Variants in TEX14 observed in about 807,000 individuals in gnomAD.
TEX14 encodes the protein inactive serine/threonine-protein kinase TEX14.
In TEX14, 168 loss-of-function variants were observed where a neutral mutation model predicts 178.6. The observed-to-expected ratio is 0.94, with a 90% CI of 0.83 to 1.07. The LOEUF (loss-of-function observed/expected upper bound fraction) is 1.07. Ranked by LOEUF, TEX14 falls within the 50% of genes least tolerant of loss-of-function variation. TEX14 has a pLI of 0.00. For missense variants in TEX14, 1,730 were observed against 1,753.6 expected, an observed-to-expected ratio of 0.99 and a Z score of 0.24; for synonymous variants, 626 against 634.1, an observed-to-expected ratio of 0.99 and a Z score of 0.19.
chr17:58,690,403 C>G (rs1034866948), intron 1 of TEX14, among the ~76,000 whole-genome samples: 7 of 152,060 alleles, frequency 4.6e-5, no homozygotes, highest in Non-Finnish European at 1.0e-4. Context: ...TGAGATCAAG[C>G]GATGTGCCCT....
intron 12 of TEX14, 130 bp from the exon 13 acceptor site, chr17:58,602,086 T>C (rs979926697): frequency 8.6e-5 from 79 of 920,052 alleles, no homozygotes; most frequent in Non-Finnish European, 1.2e-4. Context: ...TTAGTCCTAA[T>C]TAACTAGTTT....
chr17:58,620,390 C>T (rs2045970726), intron 5 of TEX14, among the ~76,000 whole-genome samples: 1 of 152,080 alleles, frequency 6.6e-6, no homozygotes, highest in Non-Finnish European at 1.5e-5. Context: ...AGTGCAGTTG[C>T]ATGATCTTGG....
At chr17:58,673,886 G>C (rs1447671630) in intron 1 of TEX14, among the ~76,000 whole-genome samples, 1 of 152,078 alleles carries the variant, frequency 6.6e-6, no homozygotes, top group Non-Finnish European at 1.5e-5. Context: ...TCATATTATA[G>C]TTAGGACATA....
intron 1 of TEX14, among the ~76,000 whole-genome samples, chr17:58,673,065 A>C (rs951434113): frequency 1.3e-5 from 2 of 151,950 alleles, no homozygotes; most frequent in Non-Finnish European, 2.9e-5. Context: ...TTTTAAAAAA[A>C]ATTTCTTACA....
At position 58,569,301 on chromosome 17, in the gene TEX14, C is replaced by T. The variant is rs1450064049; in HGVS notation, c.3818-41G>A. 1.3e-6 allele frequency: 2 copies of T among 1,522,496 alleles called. No homozygotes were observed. Among genetic ancestry groups the T allele is most frequent in the Non-Finnish European group, 1.8e-6 (2 of 1,098,842 alleles). 94.3% of individuals were successfully genotyped at this position (1,522,496 alleles called of 1,614,324 possible). A position where few individuals can be genotyped will look rare whatever the true frequency, so the allele number is the denominator to read the frequency against. On this transcript the variant is annotated intron_variant, in intron 25 of 31. Coordinates refer to ENST00000349033, the MANE Select transcript of TEX14 (RefSeq NM_031272.5). This position sits in a 1 kb window ranked among gnomAD's most constrained non-coding sequence, Gnocchi z 4.1. ...GACAAAAGGGAAAATGTCTTAACAC[C>T]CTCCTGGACCTGAACTGAATTTTTC...
rs2045847457 is a variant in TEX14, at chr17:58,615,291, G to A, written c.822C>T (p.His274=). 6.2e-7 allele frequency: 1 copy of A among 1,613,930 alleles called. No homozygotes were observed. The highest frequency in any genetic ancestry group is 1.1e-5 in the South Asian group (1 of 91,068). ...VTVKELNLPT[H]PHCSRLRLAD... ...CCAGCCGCAGCCTGCTGCAGTGTGG[G>A]TGGGTGGGGAGATTCAGCTCTTTCA... The change falls in exon 8 of 32, where the codon CAC becomes CAT. Residue 274 remains histidine (H), a synonymous_variant. Transcript: ENST00000349033.
At chr17:58,577,489 A>ATTT in intron 20 of TEX14, 33 bp from the exon 21 acceptor site, 1 of 751,974 alleles carries the variant, frequency 1.3e-6, no homozygotes, top group African/African-American at 1.9e-5. Flanking sequence ...ATATATATAT[A>ATTT]TTTTTTTTTA....
rs535445147 is a variant in TEX14, at chr17:58,605,926, T to C, written c.1185-797A>G. Among the ~76,000 whole-genome samples, 17 of 152,314 alleles carry C rather than the reference T, an allele frequency of 1.1e-4. No individual in the cohort carries two copies. The South Asian group carries it at 3.5e-3, about 32-fold the overall frequency. On this transcript the variant is annotated intron_variant, in intron 10 of 31. Coordinates refer to ENST00000349033, the MANE Select transcript of TEX14 (RefSeq NM_031272.5). ...CAACTCATCTGCTTTTATATCACTG[T>C]ACTTCTGGGCTTACACCAGGGCCTT...
chr17:58,684,317 T>C (rs2047554335), intron 1 of TEX14, among the ~76,000 whole-genome samples: 1 of 151,538 alleles, frequency 6.6e-6, no homozygotes, highest in Admixed American at 6.6e-5. Flanking sequence ...CAAAAATTAG[T>C]GAGGCATGGT....
intron 14 of TEX14, among the ~76,000 whole-genome samples, chr17:58,597,093 T>C (rs1265315371): frequency 5.3e-5 from 8 of 152,028 alleles, no homozygotes; most frequent in Admixed American, 2.0e-4. Context: ...ATCTTCCCTG[T>C]ATAGGCAATA....
Position 58,569,402 on chromosome 17 carries a change from T to C in TEX14, c.3818-142A>G. 1 of 652,130 alleles carries C rather than the reference T, an allele frequency of 1.5e-6. No individual in the cohort carries two copies. Among genetic ancestry groups the C allele is most frequent in the Non-Finnish European group, 2.7e-6 (1 of 371,160 alleles). 40.4% of individuals were successfully genotyped at this position (652,130 alleles called of 1,614,324 possible). A position where few individuals can be genotyped will look rare whatever the true frequency, so the allele number is the denominator to read the frequency against. ...CTAAGGAGGAAGGAAGCCTCTTACA[T>C]AATAGTTCCAGTAGAGACCTCCTAA... On this transcript the variant is annotated intron_variant, in intron 25 of 31. Transcript: ENST00000349033. This position sits in a 1 kb window ranked among gnomAD's most constrained non-coding sequence, Gnocchi z 4.1.
intron 5 of TEX14, among the ~76,000 whole-genome samples, chr17:58,620,283 A>G (rs1453328746): frequency 1.3e-5 from 2 of 152,080 alleles, no homozygotes; most frequent in African/African-American, 2.4e-5. Context: ...GTCCTTAAGG[A>G]GTTTTAGCAG....
At chr17:58,587,816 C>A in intron 16 of TEX14, 80 bp downstream of exon 16, 2 of 1,284,618 alleles carry the variant, frequency 1.6e-6, no homozygotes, top group Non-Finnish European at 2.3e-6. Flanking sequence ...TTGCACTGAC[C>A]CCTTTGCACC....
intron 15 of TEX14, among the ~76,000 whole-genome samples, chr17:58,589,015 T>G (rs905833186): frequency 3.3e-5 from 5 of 152,216 alleles, no homozygotes; most frequent in Non-Finnish European, 5.9e-5. Context: ...AGCTCACACC[T>G]GTAATCCCAG....
intron 2 of TEX14, among the ~76,000 whole-genome samples, chr17:58,638,357 A>T (rs758344945): frequency 3.5e-4 from 7 of 20,156 alleles, no homozygotes; most frequent in South Asian, 1.4e-3. Flanking sequence ...ACAATAAATT[A>T]AAAAAAAAAA....
At chr17:58,590,533 T>TG in intron 15 of TEX14, among the ~76,000 whole-genome samples, 1 of 121,886 alleles carries the variant, frequency 8.2e-6, no homozygotes, top group Non-Finnish European at 1.8e-5. Context: ...ATCCAACTAT[T>TG]TTTGTTGTTG....
intron 26 of TEX14, among the ~76,000 whole-genome samples, chr17:58,567,435 A>G (rs1357770353): frequency 6.6e-6 from 1 of 152,174 alleles, no homozygotes; most frequent in Non-Finnish European, 1.5e-5. Flanking sequence ...ATCATTTAAT[A>G]TAATTTGAAA....
At chr17:58,616,103 T>C (rs1477299707) in intron 7 of TEX14, 72 bp downstream of exon 7, 4 of 1,503,436 alleles carry the variant, frequency 2.7e-6, no homozygotes, top group African/African-American at 1.4e-5. Context: ...TCCCCACACA[T>C]AAGGAAGTCA....
intron 2 of TEX14, among the ~76,000 whole-genome samples, chr17:58,642,070 G>T (rs1333821114): frequency 2.0e-5 from 3 of 152,132 alleles, no homozygotes. Flanking sequence ...TCAAAGTTCA[G>T]TCTGAATGAC....
Sources: gnomAD v4.1 joint callset for allele counts (sites outside exome capture counted in the v4.1 genomes callset) on GRCh38, gnomAD v4.1.1 for gene constraint, Gnocchi (gnomAD v3.1) non-coding constraint, MANE v1.5 for transcripts, NCBI Gene and HGNC (gene_info 2026-07-23, HGNC 2026-07-21) for gene names.